The following ATRNL1 variants were observed in gnomAD, a reference collection of about 807,000 sequenced individuals.
ATRNL1 encodes the protein attractin-like protein 1.
In ATRNL1, 95 loss-of-function variants were observed where a neutral mutation model predicts 182.7. The ratio of observed to expected loss-of-function variants is 0.52; its 90% CI spans 0.44 to 0.62. The LOEUF (loss-of-function observed/expected upper bound fraction) is 0.62. Ranked by LOEUF, ATRNL1 falls within the 20% of genes least tolerant of loss-of-function variation. ATRNL1 has a pLI of 0.00. For synonymous variants in ATRNL1, 576 were observed against 568.3 expected (o/e 1.01, Z -0.19); for missense variants, 1,471 against 1,679.5 (o/e 0.88, Z 2.17).
At chr10:115,729,931 C>G (rs1437818365) in intron 27 of ATRNL1, among the ~76,000 whole-genome samples, 3 of 151,836 alleles carry the variant, frequency 2.0e-5, no homozygotes, top group African/African-American at 7.3e-5. Context: ...TTATTTTTCA[C>G]TAAGATTACC....
rs140970669 is a variant in ATRNL1 at position 115,714,737 on chromosome 10, A to G, written c.3796-12511A>G. On this transcript the variant is annotated intron_variant, in intron 26 of 28. Transcript: ENST00000355044. ...AGCATGTATTTCTTTTCTCTGATCC[A>G]CTTAAAATTTTCATCAACCAAGAAA... 3.9e-4 allele frequency among the ~76,000 whole-genome samples: 59 copies of G among 152,236 alleles called. 1 individual carries two copies. In the East Asian group the frequency reaches 0.011, roughly 29 times the overall value.
chr10:115,334,128 G>A (rs1278243650), intron 18 of ATRNL1, among the ~76,000 whole-genome samples, 154 bp from the exon 19 acceptor site: 1 of 152,122 alleles, frequency 6.6e-6, no homozygotes, highest in Non-Finnish European at 1.5e-5. Context: ...ACAAAACTTT[G>A]AGCTATATGT....
intron 26 of ATRNL1, among the ~76,000 whole-genome samples, chr10:115,600,986 G>A (rs1447287541): frequency 2.1e-5 from 3 of 142,028 alleles, no homozygotes; most frequent in Non-Finnish European, 3.0e-5. Flanking sequence ...AACCATTGTC[G>A]AAAACATTAT....
chr10:115,887,036 A>G (rs1555109967), intron 28 of ATRNL1, among the ~76,000 whole-genome samples: 3 of 152,324 alleles, frequency 2.0e-5, no homozygotes, highest in Non-Finnish European at 4.4e-5. Flanking sequence ...AGTGCTAACC[A>G]TGTGCAGGCA....
At chr10:115,380,747 C>G (rs1253449196) in intron 19 of ATRNL1, among the ~76,000 whole-genome samples, 1 of 152,032 alleles carries the variant, frequency 6.6e-6, no homozygotes, top group Admixed American at 6.6e-5. Context: ...TTATAATATC[C>G]AATTCAAATA....
chr10:115,114,617 A>G (rs1304812817), intron 1 of ATRNL1, among the ~76,000 whole-genome samples: 2 of 152,166 alleles, frequency 1.3e-5, no homozygotes, highest in Non-Finnish European at 2.9e-5. Flanking sequence ...AACATACAAA[A>G]GGTCAAAACA....
At chr10:115,613,561 C>T (rs1312465571) in intron 26 of ATRNL1, among the ~76,000 whole-genome samples, 1 of 151,984 alleles carries the variant, frequency 6.6e-6, no homozygotes, top group African/African-American at 2.4e-5. Context: ...GAAAAAATTC[C>T]TTCTTCATCA....
Position 115,265,176 on chromosome 10 carries a change from T to C in ATRNL1, c.1688-17T>C. On this transcript the variant is annotated splice_polypyrimidine_tract_variant and intron_variant, in intron 10 of 28. Coordinates refer to ENST00000355044, the MANE Select transcript of ATRNL1 (RefSeq NM_207303.4). ...TCTTTTATTTCATTTTTTGTTTTTCTGTTTTCTTTTTTCTAGCTTGTGATG... is the reference window on the plus strand; with the variant it reads ...TCTTTTATTTCATTTTTTGTTTTTCCGTTTTCTTTTTTCTAGCTTGTGATG... The C allele has an allele frequency of 6.6e-7, 1 of 1,526,304 alleles. No individual in the cohort carries two copies. The highest frequency in any genetic ancestry group is 1.2e-5 in the South Asian group (1 of 85,364). The allele number at this position is 1,526,304 out of a possible 1,614,324, so 94.5% of individuals were successfully genotyped here. A position where few individuals can be genotyped will look rare whatever the true frequency, so the allele number is the denominator to read the frequency against.
rs1475089058 is a variant in ATRNL1, at chr10:115,155,420, AAT to A, written c.830-4617_830-4616del. On this transcript the variant is annotated intron_variant, in intron 5 of 28. Coordinates refer to ENST00000355044, the MANE Select transcript of ATRNL1 (RefSeq NM_207303.4). ...TTATGAAGCATTTATTATAGTATTAAATATTAAGCATTTTACTTAGAATCTCA... is the reference window on the plus strand; with the variant it reads ...TTATGAAGCATTTATTATAGTATTAAATTAAGCATTTTACTTAGAATCTCA... Among the ~76,000 whole-genome samples, 3 of 152,212 alleles carry A rather than the reference AAT, an allele frequency of 2.0e-5. No homozygotes were observed. The East Asian group carries it at 5.8e-4, about 29-fold the overall frequency.
rs1386854238 is a variant in ATRNL1 at position 115,462,094 on chromosome 10, T to C, written c.3417+59T>C. 3.3e-6 allele frequency: 4 copies of C among 1,230,658 alleles called. No homozygotes were observed. The Admixed American group carries it at 8.1e-5, about 25-fold the overall frequency. The allele number at this position is 1,230,658 out of a possible 1,614,324, so 76.2% of individuals were successfully genotyped here. On this transcript the variant is annotated intron_variant, in intron 22 of 28. Coordinates refer to ENST00000355044, the MANE Select transcript of ATRNL1 (RefSeq NM_207303.4). ...TATTGGACACAATTTTTTTTTCATA[T>C]TTCATTTGATTTTACCTCTTCTCAG...
At chr10:115,098,394 C>G (rs2143390283) in intron 1 of ATRNL1, among the ~76,000 whole-genome samples, 1 of 148,596 alleles carries the variant, frequency 6.7e-6, no homozygotes, top group South Asian at 2.1e-4. Context: ...TCTTTCCTCT[C>G]TGGTCTTTGC....
chr10:115,137,005 T>C (rs568764126), intron 5 of ATRNL1, among the ~76,000 whole-genome samples: 6 of 152,288 alleles, frequency 3.9e-5, no homozygotes, highest in African/African-American at 1.4e-4. Context: ...ATATAAGAAA[T>C]TGAATTCATG....
rs1448157471 is a variant in ATRNL1 at position 115,272,328 on chromosome 10, G to C, written c.2100+3884G>C. On this transcript the variant is annotated intron_variant, in intron 13 of 28. Coordinates refer to ENST00000355044, the MANE Select transcript of ATRNL1 (RefSeq NM_207303.4). ...CTAGACATATTCTTCCTAGCCTCCT[G>C]TGTGAAGTGGCAGTTCAGTTTCCCT... 5.3e-5 allele frequency among the ~76,000 whole-genome samples: 8 copies of C among 152,138 alleles called. No individual in the cohort carries two copies. The East Asian group carries it at 1.4e-3, about 26-fold the overall frequency.
intron 1 of ATRNL1, among the ~76,000 whole-genome samples, chr10:115,095,076 A>G (rs1378586740): frequency 6.6e-6 from 1 of 152,178 alleles, no homozygotes; most frequent in Non-Finnish European, 1.5e-5. Flanking sequence ...GCAATGGGTC[A>G]CAGTGTAGGG....
intron 20 of ATRNL1, among the ~76,000 whole-genome samples, 162 bp from the exon 21 acceptor site, chr10:115,426,088 A>G (rs1404685290): frequency 6.6e-6 from 1 of 152,070 alleles, no homozygotes; most frequent in Non-Finnish European, 1.5e-5. Flanking sequence ...ATTAATTCAA[A>G]TTTCAAACAC....
At chr10:115,520,270 C>T (rs1391917623) in intron 25 of ATRNL1, among the ~76,000 whole-genome samples, 1 of 152,196 alleles carries the variant, frequency 6.6e-6, no homozygotes, top group East Asian at 1.9e-4. Flanking sequence ...CTTGTCTAAA[C>T]ACAAAGTAAC....
At chr10:115,472,756 G>T (rs1046030207) in intron 24 of ATRNL1, among the ~76,000 whole-genome samples, 1 of 150,920 alleles carries the variant, frequency 6.6e-6, no homozygotes, top group Non-Finnish European at 1.5e-5. Context: ...ACTGTCTAGG[G>T]TTTCTTGTGT....
At chr10:115,147,788 T>A (rs1446200169) in intron 5 of ATRNL1, among the ~76,000 whole-genome samples, 3 of 152,150 alleles carry the variant, frequency 2.0e-5, no homozygotes, top group African/African-American at 7.2e-5. Flanking sequence ...TATGTAGGTT[T>A]ATTCTTTCAC....
Position 115,491,430 on chromosome 10 carries a change from C to CA in ATRNL1, c.3654+22102dup, listed in dbSNP as rs1592732927. ...ACTTGGGCTGCTGCCTTTTTTTTTT[C>CA]AGAGATGTCCTGCACAGAGTGGAGG... On this transcript the variant is annotated intron_variant, in intron 24 of 28. Transcript: ENST00000355044. Among the ~76,000 whole-genome samples, 3 of 138,188 alleles carry CA rather than the reference C, an allele frequency of 2.2e-5. No individual in the cohort carries two copies. The East Asian group carries it at 5.9e-4, about 27-fold the overall frequency. The allele number at this position is 138,188 out of a possible 152,430, so 90.7% of individuals were successfully genotyped here.
Sources: allele counts gnomAD v4.1 joint callset (sites outside exome capture counted in the v4.1 genomes callset), GRCh38; gene constraint gnomAD v4.1.1; transcripts MANE v1.5; gene names NCBI Gene and HGNC (gene_info 2026-07-23, HGNC 2026-07-21).